CDH11: variants seen among roughly 807,000 people sequenced by gnomAD.
CDH11 encodes cadherin-11.
CDH11 carries 11 observed loss-of-function variants against 67.8 expected under a neutral mutation model. The ratio of observed to expected loss-of-function variants is 0.16; its 90% CI spans 0.10 to 0.27. The LOEUF is 0.27. Among genes scored for constraint, CDH11 ranks in the 10% least tolerant of loss-of-function variants. CDH11 has a pLI of 1.00. For missense variants in CDH11, 847 were observed against 1,031.2 expected (o/e 0.82, Z 2.45); for synonymous variants, 419 against 400.0 (o/e 1.05, Z -0.57).
At chr16:65,026,453 T>C (rs1005511460) in intron 2 of CDH11, among the ~76,000 whole-genome samples, 4 of 152,232 alleles carry the variant, frequency 2.6e-5, no homozygotes, top group African/African-American at 7.2e-5. Flanking sequence ...TACTTTACTA[T>C]AATTCTTTCA....
intron 1 of CDH11, among the ~76,000 whole-genome samples, chr16:65,056,835 C>T (rs1430388035): frequency 6.6e-6 from 1 of 152,080 alleles, no homozygotes; most frequent in African/African-American, 2.4e-5. Context: ...GATCGAACTC[C>T]CCACTTTGTC....
At chr16:65,033,808 C>A (rs957569805) in intron 2 of CDH11, among the ~76,000 whole-genome samples, 15 of 151,766 alleles carry the variant, frequency 9.9e-5, no homozygotes, top group African/African-American at 3.6e-4. Context: ...GACTTGAAAT[C>A]CTCCAAGAGT....
At chr16:65,092,090 G>A (rs2074801891) in intron 1 of CDH11, among the ~76,000 whole-genome samples, 1 of 152,048 alleles carries the variant, frequency 6.6e-6, no homozygotes, top group African/African-American at 2.4e-5. Flanking sequence ...TAGATGTTGT[G>A]CCTCTTCCCA....
At chr16:65,016,862 T>C (rs2073321218) in intron 2 of CDH11, among the ~76,000 whole-genome samples, 1 of 151,934 alleles carries the variant, frequency 6.6e-6, no homozygotes, top group Admixed American at 6.6e-5. Flanking sequence ...ACAAAGGGGG[T>C]ATCATTCATA....
At chr16:65,056,275 T>C (rs552339609) in intron 1 of CDH11, among the ~76,000 whole-genome samples, 2 of 152,178 alleles carry the variant, frequency 1.3e-5, no homozygotes, top group African/African-American at 2.4e-5. Flanking sequence ...GAGAGAGAGG[T>C]GCCAATCCAT....
intron 2 of CDH11, among the ~76,000 whole-genome samples, chr16:65,032,831 A>G (rs1016610592): frequency 6.6e-6 from 1 of 152,208 alleles, no homozygotes; most frequent in African/African-American, 2.4e-5. Context: ...GAGATGAGAA[A>G]TATCAAGTTT....
At chr16:65,108,153 G>T (rs1020413164) in intron 1 of CDH11, among the ~76,000 whole-genome samples, 4 of 152,044 alleles carry the variant, frequency 2.6e-5, no homozygotes, top group Admixed American at 2.0e-4. Context: ...AGGAGGAGTG[G>T]GGGTGATAGA....
intron 2 of CDH11, among the ~76,000 whole-genome samples, chr16:65,033,796 T>C (rs1425847091): frequency 1.4e-5 from 2 of 147,064 alleles, no homozygotes; most frequent in Non-Finnish European, 3.0e-5. Context: ...TGAGGGTCTA[T>C]GGACTTGAAA....
At chr16:65,111,622 G>C (rs539737794) in intron 1 of CDH11, among the ~76,000 whole-genome samples, 54 of 151,444 alleles carry the variant, frequency 3.6e-4, no homozygotes, top group Non-Finnish European at 6.3e-4. Flanking sequence ...ATAATCTAGA[G>C]TCTAGCTGCC....
chr16:64,998,544 C>A lies in CDH11; in HGVS notation c.523+18G>T. 6.2e-7 allele frequency: 1 copy of A among 1,610,338 alleles called. No individual in the cohort carries two copies. On this transcript the variant is annotated intron_variant, in intron 4 of 12. Transcript: ENST00000268603. The stretch of plus-strand genomic sequence containing the variant: ...CACCAGGCCTGGAAGCAGAGCAGGC[C>A]TCCCACACCGTACGCACCCACATTG...
chr16:64,943,785 C>T lies in CDH11; in HGVS notation c.*3818G>A, dbSNP rs1312061756. Reference sequence around the variant, plus strand: ...TCATTCAATAGATATTTATTGTGTACCTGTTATGTTTCAGGCACTGTGTAA... The same window carrying T: ...TCATTCAATAGATATTTATTGTGTATCTGTTATGTTTCAGGCACTGTGTAA... On this transcript the variant is annotated 3_prime_UTR_variant, in exon 13 of 13. Transcript: ENST00000268603. 9.6e-6 allele frequency: 2 copies of T among 207,840 alleles called. No individual in the cohort carries two copies. Among genetic ancestry groups the T allele is most frequent in the East Asian group, 7.3e-5 (1 of 13,746 alleles). 12.9% of individuals were successfully genotyped at this position (207,840 alleles called of 1,614,324 possible).
At chr16:64,975,718 T>C (rs2072146993) in intron 8 of CDH11, among the ~76,000 whole-genome samples, 1 of 152,196 alleles carries the variant, frequency 6.6e-6, no homozygotes, top group Non-Finnish European at 1.5e-5. Flanking sequence ...ATATATATTT[T>C]TAAATAAATT....
At chr16:65,098,457 A>G (rs1447256053) in intron 1 of CDH11, among the ~76,000 whole-genome samples, 2 of 152,054 alleles carry the variant, frequency 1.3e-5, no homozygotes, top group African/African-American at 4.8e-5. Flanking sequence ...GAATTTATCA[A>G]ATTACCCTCA....
At chr16:65,123,413 C>G (rs1349445044), upstream of CDH11, among the ~76,000 whole-genome samples, 1 of 151,758 alleles carries the variant, frequency 6.6e-6, no homozygotes, top group Non-Finnish European at 1.5e-5. Context: ...CACAGCCAAG[C>G]AGTTTGAAAG....
Position 64,947,247 on chromosome 16 carries a change from C to A in CDH11, c.*356G>T. The A allele has an allele frequency of 9.1e-7, 1 of 1,104,956 alleles. No homozygotes were observed. The highest frequency in any genetic ancestry group is 1.1e-6 in the Non-Finnish European group (1 of 902,864). The allele number at this position is 1,104,956 out of a possible 1,614,324, so 68.4% of individuals were successfully genotyped here. A position where few individuals can be genotyped will look rare whatever the true frequency, so the allele number is the denominator to read the frequency against. On this transcript the variant is annotated 3_prime_UTR_variant, in exon 13 of 13. Transcript: ENST00000268603. Reference sequence around the variant, plus strand: ...GTCCTTTCTAATTTTGTGGAAGCTTCTTTGACAACTTAAAAAAGAAGAAAG... The same window carrying A: ...GTCCTTTCTAATTTTGTGGAAGCTTATTTGACAACTTAAAAAAGAAGAAAG...
At chr16:65,097,516 A>T (rs528647014) in intron 1 of CDH11, among the ~76,000 whole-genome samples, 2 of 152,334 alleles carry the variant, frequency 1.3e-5, no homozygotes, top group South Asian at 4.1e-4. Flanking sequence ...GTCTAGCGGC[A>T]TCCCTGGCCC....
chr16:64,944,779 A>T lies in CDH11; in HGVS notation c.*2824T>A, dbSNP rs960855387. 2 of 231,394 alleles carry T rather than the reference A, an allele frequency of 8.6e-6. No individual in the cohort carries two copies. The highest frequency in any genetic ancestry group is 4.4e-5 in the African/African-American group (2 of 45,234). The allele number at this position is 231,394 out of a possible 1,614,324, so 14.3% of individuals were successfully genotyped here. On this transcript the variant is annotated 3_prime_UTR_variant, in exon 13 of 13. Coordinates refer to ENST00000268603, the MANE Select transcript of CDH11 (RefSeq NM_001797.4). The stretch of plus-strand genomic sequence containing the variant: ...TGTCCAGAATTGCCACAGCTGGCCT[A>T]ATTTCCGCTCACACTCTATATCTCA...
At chr16:65,039,671 C>A (rs537755623) in intron 2 of CDH11, among the ~76,000 whole-genome samples, 2 of 152,246 alleles carry the variant, frequency 1.3e-5, no homozygotes, top group African/African-American at 2.4e-5. Flanking sequence ...ATGTCTAAAA[C>A]ACCAAAAGCA....
chr16:65,023,062 C>T (rs1192513390), intron 2 of CDH11, among the ~76,000 whole-genome samples: 1 of 152,092 alleles, frequency 6.6e-6, no homozygotes, highest in Non-Finnish European at 1.5e-5. Flanking sequence ...GTAAAATGGT[C>T]AGTCATTGGA....
Sources: allele counts gnomAD v4.1 joint callset (sites outside exome capture counted in the v4.1 genomes callset), GRCh38; gene constraint gnomAD v4.1.1; transcripts MANE v1.5; gene names NCBI Gene and HGNC (gene_info 2026-07-23, HGNC 2026-07-21).